The following CSMD1 variants were observed in gnomAD, a reference collection of about 807,000 sequenced individuals.
The protein encoded by CSMD1 is CUB and sushi domain-containing protein 1.
CSMD1 carries 213 observed loss-of-function variants against 417.5 expected under a neutral mutation model. That is an observed-to-expected ratio of 0.51 (90% CI 0.46 to 0.57). CSMD1 has a LOEUF of 0.57. Among genes scored for constraint, CSMD1 ranks in the 20% least tolerant of loss-of-function variants. The pLI is 0.00. For missense variants in CSMD1, 6,923 were observed against 4,529.7 expected (o/e 1.53, Z -15.17); for synonymous variants, 2,862 against 1,736.8 (o/e 1.65, Z -16.11).
chr8:3,934,290 A>T (rs796611900), intron 5 of CSMD1, among the ~76,000 whole-genome samples: 2 of 152,312 alleles, frequency 1.3e-5, no homozygotes, highest in African/African-American at 4.8e-5. Context: ...AATCTGAACC[A>T]AAGTGCCTAC....
chr8:4,684,199 G>A (rs894310639), intron 1 of CSMD1, among the ~76,000 whole-genome samples: 1 of 152,174 alleles, frequency 6.6e-6, no homozygotes, highest in African/African-American at 2.4e-5. Flanking sequence ...TTATGAATAA[G>A]GACACGAGAA....
intron 7 of CSMD1, among the ~76,000 whole-genome samples, chr8:3,662,489 G>A (rs180968934): frequency 6.6e-6 from 1 of 152,126 alleles, no homozygotes; most frequent in Non-Finnish European, 1.5e-5. Flanking sequence ...AAATAGTGCT[G>A]CAATAAACAT....
At chr8:3,400,746 T>G (rs896734148) in intron 15 of CSMD1, among the ~76,000 whole-genome samples, 2 of 151,688 alleles carry the variant, frequency 1.3e-5, no homozygotes, top group Admixed American at 1.3e-4. Flanking sequence ...CAGTGGAAAT[T>G]AAAAACATGT....
chr8:3,018,987 G>A (rs1809118192), intron 51 of CSMD1, among the ~76,000 whole-genome samples: 1 of 152,122 alleles, frequency 6.6e-6, no homozygotes. Flanking sequence ...GCGCTATCCT[G>A]GCTCACTGCT....
chr8:4,974,921 G>T (rs577742517), intron 1 of CSMD1, among the ~76,000 whole-genome samples: 2 of 152,230 alleles, frequency 1.3e-5, no homozygotes, highest in Admixed American at 1.3e-4. Context: ...GATATACTGG[G>T]GTTTAAAGAG....
At chr8:4,556,346 G>A (rs960867881) in intron 2 of CSMD1, among the ~76,000 whole-genome samples, 1 of 151,970 alleles carries the variant, frequency 6.6e-6, no homozygotes, top group African/African-American at 2.4e-5. Context: ...AATGTTTAAG[G>A]TTATGAAGAT....
intron 3 of CSMD1, among the ~76,000 whole-genome samples, chr8:4,353,564 G>A (rs189510125): frequency 2.6e-5 from 4 of 151,584 alleles, no homozygotes; most frequent in Admixed American, 6.6e-5. Flanking sequence ...ACTAGATCAC[G>A]AATAAAGCCC....
At chr8:4,767,898 T>C (rs1393919009) in intron 1 of CSMD1, among the ~76,000 whole-genome samples, 1 of 152,088 alleles carries the variant, frequency 6.6e-6, no homozygotes, top group Non-Finnish European at 1.5e-5. Context: ...CACATCTTAT[T>C]GTAAAAGATG....
At chr8:4,696,059 A>G (rs961051289) in intron 1 of CSMD1, among the ~76,000 whole-genome samples, 26 of 152,346 alleles carry the variant, frequency 1.7e-4, no homozygotes, top group Non-Finnish European at 2.6e-4. Context: ...TCTTATAAAC[A>G]TGGATTTTAA....
At chr8:4,009,688 G>C (rs908442499) in intron 4 of CSMD1, among the ~76,000 whole-genome samples, 3 of 151,964 alleles carry the variant, frequency 2.0e-5, no homozygotes, top group Admixed American at 6.6e-5. Flanking sequence ...ATATTATTGA[G>C]GAAGGAAGGG....
chr8:3,500,915 T>A (rs1276172825), intron 10 of CSMD1, among the ~76,000 whole-genome samples: 1 of 152,154 alleles, frequency 6.6e-6, no homozygotes, highest in Non-Finnish European at 1.5e-5. Flanking sequence ...CAGAGAGGAT[T>A]TTTTCTTTTA....
chr8:3,656,464 G>A (rs969908540), intron 7 of CSMD1, among the ~76,000 whole-genome samples: 1 of 152,110 alleles, frequency 6.6e-6, no homozygotes, highest in Non-Finnish European at 1.5e-5. Context: ...GGTGTTTGGT[G>A]GACAGAAATC....
intron 5 of CSMD1, among the ~76,000 whole-genome samples, chr8:3,772,006 A>C (rs1052652435): frequency 2.0e-5 from 3 of 151,614 alleles, no homozygotes; most frequent in African/African-American, 7.3e-5. Flanking sequence ...GAGAATCCAT[A>C]CCCTCCTTTG....
chr8:4,044,194 G>T (rs1563357090), intron 3 of CSMD1, among the ~76,000 whole-genome samples: 3 of 152,004 alleles, frequency 2.0e-5, no homozygotes, highest in East Asian at 3.9e-4. Context: ...AAAAGTTGAG[G>T]GATCTGCACA....
chr8:3,877,352 G>A (rs552592558), intron 5 of CSMD1, among the ~76,000 whole-genome samples: 134 of 152,274 alleles, frequency 8.8e-4, no homozygotes, highest in Admixed American at 1.8e-3. Context: ...GGAGGCATGT[G>A]CTCTTCCATG....
intron 1 of CSMD1, among the ~76,000 whole-genome samples, chr8:4,745,771 G>A (rs754590381): frequency 1.6e-4 from 24 of 152,198 alleles, no homozygotes; most frequent in East Asian, 3.9e-4. Flanking sequence ...ATAGGAACAC[G>A]CATTTTTGAA....
In CSMD1 at chr8:4,198,056, G is replaced by C. The variant is rs1799439801; in HGVS notation, c.416-165957C>G. ...AGCAATGAAGAAGTATTTATGCTCAGCGATTATCAAAGCGCAAAGCGAGGG... is the reference window on the plus strand; with the variant it reads ...AGCAATGAAGAAGTATTTATGCTCACCGATTATCAAAGCGCAAAGCGAGGG... On this transcript the variant is annotated intron_variant, in intron 3 of 69. Transcript: ENST00000635120. 2.0e-5 allele frequency among the ~76,000 whole-genome samples: 3 copies of C among 152,240 alleles called. 1 individual carries two copies. The South Asian group carries it at 6.2e-4, about 31-fold the overall frequency.
intron 4 of CSMD1, among the ~76,000 whole-genome samples, chr8:4,022,915 T>C (rs773483421): frequency 6.6e-6 from 1 of 152,208 alleles, no homozygotes. Context: ...TGAAAGCAAG[T>C]GTGCAACTAA....
chr8:4,180,901 T>C (rs1178148520), intron 3 of CSMD1, among the ~76,000 whole-genome samples: 2 of 152,166 alleles, frequency 1.3e-5, no homozygotes, highest in Admixed American at 6.5e-5. Flanking sequence ...CATTGGTATA[T>C]TTATTTCTAA....
Sources: allele counts gnomAD v4.1 joint callset (sites outside exome capture counted in the v4.1 genomes callset), GRCh38; gene constraint gnomAD v4.1.1; transcripts MANE v1.5; gene names NCBI Gene and HGNC (gene_info 2026-07-23, HGNC 2026-07-21).